The following RIMS1 variants were observed in gnomAD, a reference collection of about 807,000 sequenced individuals.
RIMS1 encodes regulating synaptic membrane exocytosis 1.
A neutral mutation model predicts 214.1 loss-of-function variants in RIMS1; 83 were observed. The ratio of observed to expected loss-of-function variants is 0.39; its 90% CI spans 0.32 to 0.47. The LOEUF (loss-of-function observed/expected upper bound fraction) is 0.47, where lower values mean the gene tolerates loss of function less well. Among genes scored for constraint, RIMS1 ranks in the 20% least tolerant of loss-of-function variants. The pLI, the probability that RIMS1 is intolerant of heterozygous loss-of-function variation, is 0.99. For synonymous variants in RIMS1, 793 were observed against 786.8 expected (o/e 1.01, Z -0.13); for missense variants, 2,050 against 2,161.8 (o/e 0.95, Z 1.03).
chr6:71,943,893 A>G (rs1172507465), intron 1 of RIMS1, among the ~76,000 whole-genome samples: 1 of 152,216 alleles, frequency 6.6e-6, no homozygotes, highest in African/African-American at 2.4e-5. Flanking sequence ...AGTGATAGGA[A>G]CTTACAAACT....
intron 1 of RIMS1, among the ~76,000 whole-genome samples, chr6:71,931,637 T>G (rs1198829252): frequency 6.6e-6 from 1 of 152,062 alleles, no homozygotes; most frequent in Non-Finnish European, 1.5e-5. Context: ...TTATAGACCC[T>G]GGATATTAGA....
intron 19 of RIMS1, chr6:72,262,973 C>A (rs1024390708): frequency 3.8e-6 from 2 of 521,070 alleles, no homozygotes; most frequent in East Asian, 1.5e-4. Flanking sequence ...ATATTATTAT[C>A]CTGATTTTAG....
intron 22 of RIMS1, among the ~76,000 whole-genome samples, chr6:72,267,695 C>T (rs974228789): frequency 2.6e-5 from 4 of 152,070 alleles, no homozygotes; most frequent in African/African-American, 9.7e-5. Flanking sequence ...CAGGTCTATT[C>T]TTATGGTGAG....
At chr6:72,206,692 A>G (rs1193795579) in intron 6 of RIMS1, among the ~76,000 whole-genome samples, 1 of 152,182 alleles carries the variant, frequency 6.6e-6, no homozygotes, top group African/African-American at 2.4e-5. Flanking sequence ...CAGTACCTTG[A>G]TCCCAAGTCA....
chr6:72,068,987 A>G (rs1829982764), intron 2 of RIMS1, among the ~76,000 whole-genome samples: 1 of 146,198 alleles, frequency 6.8e-6, no homozygotes, highest in Non-Finnish European at 1.5e-5. Context: ...AAGCAGAGGA[A>G]GAGGAAACCT....
intron 2 of RIMS1, among the ~76,000 whole-genome samples, chr6:72,015,212 T>C (rs1448463403): frequency 6.6e-6 from 1 of 152,230 alleles, no homozygotes; most frequent in Non-Finnish European, 1.5e-5. Context: ...AACAAAGTTT[T>C]GCCTGCGTTT....
At chr6:72,380,191 G>A (rs941970899) in intron 29 of RIMS1, among the ~76,000 whole-genome samples, 13 of 152,104 alleles carry the variant, frequency 8.5e-5, no homozygotes, top group Admixed American at 7.9e-4. Flanking sequence ...GGTGGGAATT[G>A]AACAATGGGA....
intron 13 of RIMS1, among the ~76,000 whole-genome samples, chr6:72,250,701 C>T (rs1453503512): frequency 6.6e-6 from 1 of 152,110 alleles, no homozygotes; most frequent in African/African-American, 2.4e-5. Context: ...TTGATAGCGA[C>T]ACATCATTTA....
At chr6:72,154,615 A>G (rs750353114) in intron 4 of RIMS1, among the ~76,000 whole-genome samples, 1 of 140,926 alleles carries the variant, frequency 7.1e-6, no homozygotes, top group Non-Finnish European at 1.6e-5. Context: ...ACAACTACCC[A>G]CAGATAAGAG....
At chr6:71,968,278 G>A (rs2348944) in intron 1 of RIMS1, among the ~76,000 whole-genome samples, 130,390 of 152,234 alleles carry the variant, frequency 0.86, 56,023 homozygotes, top group East Asian at 1. Context: ...GAAAGTAGGA[G>A]TATCTCCTCC....
intron 4 of RIMS1, among the ~76,000 whole-genome samples, chr6:72,178,165 T>C (rs1215893795): frequency 6.6e-6 from 1 of 152,216 alleles, no homozygotes; most frequent in African/African-American, 2.4e-5. Context: ...TTAAATTTTT[T>C]ATAGCAAGTA....
intron 1 of RIMS1, among the ~76,000 whole-genome samples, chr6:71,920,694 G>C (rs771840644): frequency 2.8e-4 from 43 of 152,272 alleles, no homozygotes; most frequent in Middle Eastern, 3.4e-3. Flanking sequence ...TAAGTCACCT[G>C]CTTTCTCCAG....
intron 22 of RIMS1, among the ~76,000 whole-genome samples, chr6:72,266,817 T>C (rs1185142555): frequency 6.6e-6 from 1 of 152,134 alleles, no homozygotes; most frequent in Non-Finnish European, 1.5e-5. Context: ...GTCTTGTTTA[T>C]AATGGCTATC....
intron 1 of RIMS1, among the ~76,000 whole-genome samples, chr6:71,917,314 AGG>A (rs1778708692): frequency 6.6e-5 from 10 of 152,148 alleles, no homozygotes; most frequent in African/African-American, 2.4e-4. Context: ...CTGCTGTTTC[AGG>A]TAGGATTGTC....
At chr6:72,379,510 A>T (rs1336168583) in intron 29 of RIMS1, among the ~76,000 whole-genome samples, 21 of 152,252 alleles carry the variant, frequency 1.4e-4, no homozygotes, top group Non-Finnish European at 1.5e-5. Flanking sequence ...CGGCATTCTA[A>T]ATAGCATTTG....
At chr6:72,026,794 A>G (rs1214771936) in intron 2 of RIMS1, among the ~76,000 whole-genome samples, 3 of 152,090 alleles carry the variant, frequency 2.0e-5, no homozygotes, top group African/African-American at 7.2e-5. Context: ...GCCTTGTATC[A>G]CCATTTTATA....
At chr6:72,387,482 A>G (rs182389282) in intron 29 of RIMS1, among the ~76,000 whole-genome samples, 1 of 152,354 alleles carries the variant, frequency 6.6e-6, no homozygotes. Context: ...ATGAGTGGCC[A>G]CTGCTCTACC....
At chr6:72,044,129 T>A (rs1299232909) in intron 2 of RIMS1, among the ~76,000 whole-genome samples, 3 of 151,726 alleles carry the variant, frequency 2.0e-5, no homozygotes, top group Admixed American at 2.0e-4. Context: ...TTTTCAAATA[T>A]GCTAAAGTAA....
intron 16 of RIMS1, among the ~76,000 whole-genome samples, chr6:72,254,796 C>T (rs561014080): frequency 2.6e-5 from 4 of 152,248 alleles, no homozygotes; most frequent in Admixed American, 1.3e-4. Context: ...TGAGTACCAC[C>T]AAGGAGCACT....
Sources: allele counts gnomAD v4.1 joint callset (sites outside exome capture counted in the v4.1 genomes callset), GRCh38; gene constraint gnomAD v4.1.1; transcripts MANE v1.5; gene names NCBI Gene and HGNC (gene_info 2026-07-23, HGNC 2026-07-21).